Variants in MAGI2 observed in about 807,000 individuals in gnomAD.
The protein encoded by MAGI2 is membrane-associated guanylate kinase, WW and PDZ domain-containing protein 2.
MAGI2 carries 35 observed loss-of-function variants against 133.3 expected under a neutral mutation model. The ratio of observed to expected loss-of-function variants is 0.26; its 90% CI spans 0.20 to 0.35. The LOEUF (loss-of-function observed/expected upper bound fraction) is 0.35, where lower values mean the gene tolerates loss of function less well. Ranked by LOEUF, MAGI2 falls within the 10% of genes least tolerant of loss-of-function variation. The pLI is 1.00. For missense variants in MAGI2, 1,636 were observed against 1,863.4 expected (o/e 0.88, Z 2.25); for synonymous variants, 729 against 710.6 (o/e 1.03, Z -0.41).
chr7:78,088,383 G>T (rs1816846821), intron 20 of MAGI2, among the ~76,000 whole-genome samples: 1 of 152,142 alleles, frequency 6.6e-6, no homozygotes, highest in Non-Finnish European at 1.5e-5. Flanking sequence ...GACTGTGTGT[G>T]CACCAGTCCT....
intron 6 of MAGI2, among the ~76,000 whole-genome samples, chr7:78,414,447 A>G (rs1040311941): frequency 5.3e-5 from 8 of 152,034 alleles, no homozygotes; most frequent in African/African-American, 1.9e-4. Flanking sequence ...GAATAGTAAT[A>G]TTGTTGTTGG....
At chr7:78,524,995 TA>T (rs891334358) in intron 3 of MAGI2, among the ~76,000 whole-genome samples, 6 of 151,884 alleles carry the variant, frequency 4.0e-5, no homozygotes, top group South Asian at 2.1e-4. Flanking sequence ...TTCCCTGAAG[TA>T]AAAAAACCTT....
intron 1 of MAGI2, among the ~76,000 whole-genome samples, chr7:79,308,174 A>G (rs535839021): frequency 2.0e-5 from 3 of 152,304 alleles, no homozygotes; most frequent in African/African-American, 7.2e-5. Context: ...ATAAAATCAT[A>G]TTGAAATGAT....
intron 6 of MAGI2, among the ~76,000 whole-genome samples, chr7:78,473,995 T>C (rs2150433654): frequency 6.6e-6 from 1 of 152,138 alleles, no homozygotes; most frequent in East Asian, 1.9e-4. Flanking sequence ...CGTTACCATC[T>C]GTGCCCCTGT....
intron 3 of MAGI2, among the ~76,000 whole-genome samples, chr7:78,549,926 G>C (rs529224800): frequency 6.6e-6 from 1 of 152,174 alleles, no homozygotes; most frequent in South Asian, 2.1e-4. Flanking sequence ...CTGAGTATTT[G>C]TCCCTCCTAT....
rs146170365 is a variant in MAGI2, at chr7:78,322,606, G to A, written c.1408+21172C>T. 2.2e-3 allele frequency among the ~76,000 whole-genome samples: 329 copies of A among 152,228 alleles called. 2 individuals carry two copies. Among genetic ancestry groups the A allele is most frequent in the African/African-American group, 7.7e-3 (321 of 41,532 alleles). Reference sequence around the variant, plus strand: ...AGGAGAACATCACACACTGGGGCCTGTTGGTAGATGGGGGGATAGGGGAGG... The same window carrying A: ...AGGAGAACATCACACACTGGGGCCTATTGGTAGATGGGGGGATAGGGGAGG... On this transcript the variant is annotated intron_variant, in intron 9 of 21. Transcript: ENST00000354212.
intron 1 of MAGI2, among the ~76,000 whole-genome samples, chr7:79,451,716 G>A (rs573834363): frequency 3.3e-5 from 5 of 152,134 alleles, no homozygotes; most frequent in Non-Finnish European, 5.9e-5. Flanking sequence ...CTTAGTAGTT[G>A]ATCATGATTA....
At chr7:79,386,647 A>G (rs183911457) in intron 1 of MAGI2, among the ~76,000 whole-genome samples, 1 of 152,128 alleles carries the variant, frequency 6.6e-6, no homozygotes, top group East Asian at 1.9e-4. Flanking sequence ...ATCTCCTCTC[A>G]TGCTTAGGTT....
rs1172439026 is a variant in MAGI2 at position 79,087,216 on chromosome 7, A to G, written c.302-80010T>C. Among the ~76,000 whole-genome samples, 4 of 151,960 alleles carry G rather than the reference A, an allele frequency of 2.6e-5. No individual in the cohort carries two copies. In the East Asian group the frequency reaches 7.7e-4, roughly 29 times the overall value. ...TCTAAGAACTTTGACAGAATATTCA[A>G]GAGTGAAAGGCTGCATTCAAATTAA... On this transcript the variant is annotated intron_variant, in intron 1 of 21. Transcript: ENST00000354212.
At chr7:78,040,073 G>C (rs1810639469) in intron 21 of MAGI2, among the ~76,000 whole-genome samples, 2 of 152,074 alleles carry the variant, frequency 1.3e-5, no homozygotes, top group Admixed American at 1.3e-4. Flanking sequence ...TGCTCATACA[G>C]ATGTCTGTTT....
chr7:78,127,630 C>T (rs1354719652), intron 18 of MAGI2, among the ~76,000 whole-genome samples: 1 of 152,020 alleles, frequency 6.6e-6, no homozygotes, highest in Non-Finnish European at 1.5e-5. Flanking sequence ...TGGCTCCTTA[C>T]GAAGTCAAGG....
At chr7:78,782,580 G>A (rs879340486) in intron 2 of MAGI2, among the ~76,000 whole-genome samples, 25 of 152,202 alleles carry the variant, frequency 1.6e-4, no homozygotes, top group Admixed American at 7.8e-4. Context: ...GCCAGGAAGG[G>A]CCTAGGTGCA....
chr7:78,093,848 A>C (rs1460564835), intron 20 of MAGI2, among the ~76,000 whole-genome samples: 2 of 152,198 alleles, frequency 1.3e-5, no homozygotes, highest in Non-Finnish European at 2.9e-5. Flanking sequence ...AAATGAAAAA[A>C]TGGACCCTTC....
chr7:79,009,962 A>T (rs1310816963), intron 1 of MAGI2, among the ~76,000 whole-genome samples: 2 of 151,948 alleles, frequency 1.3e-5, no homozygotes, highest in Non-Finnish European at 2.9e-5. Flanking sequence ...AACACTCATT[A>T]AAAAAACTAT....
chr7:78,209,972 T>C (rs973902963), intron 10 of MAGI2, among the ~76,000 whole-genome samples: 1 of 152,180 alleles, frequency 6.6e-6, no homozygotes, highest in African/African-American at 2.4e-5. Flanking sequence ...TCTCTGACCC[T>C]TTTTTATGTG....
intron 10 of MAGI2, among the ~76,000 whole-genome samples, chr7:78,242,991 G>A (rs929335125): frequency 2.6e-5 from 4 of 152,080 alleles, no homozygotes; most frequent in African/African-American, 9.7e-5. Context: ...GGGATCGCTT[G>A]AGCCCAGGAG....
chr7:78,416,653 T>C (rs1034836916), intron 6 of MAGI2, among the ~76,000 whole-genome samples: 1 of 152,140 alleles, frequency 6.6e-6, no homozygotes, highest in South Asian at 2.1e-4. Context: ...CCAAAATCCA[T>C]GTGGAATCTT....
At chr7:79,370,646 C>CTTT (rs58805216) in intron 1 of MAGI2, among the ~76,000 whole-genome samples, 4,792 of 149,280 alleles carry the variant, frequency 0.032, 125 homozygotes, top group African/African-American at 0.078. Flanking sequence ...TCCATTAGTT[C>CTTT]TTTTTTTTTT....
chr7:78,244,296 C>G (rs990176260), intron 10 of MAGI2, among the ~76,000 whole-genome samples: 1 of 149,640 alleles, frequency 6.7e-6, no homozygotes, highest in Non-Finnish European at 1.5e-5. Flanking sequence ...TTTTGAAAAC[C>G]TGAATAAAAG....
Sources: allele counts gnomAD v4.1 joint callset (sites outside exome capture counted in the v4.1 genomes callset), GRCh38; gene constraint gnomAD v4.1.1; transcripts MANE v1.5; gene names NCBI Gene and HGNC (gene_info 2026-07-23, HGNC 2026-07-21).